SPDYE10: variants seen among roughly 807,000 people sequenced by gnomAD.
The protein encoded by SPDYE10 is speedy/RINGO cell cycle regulator family member E10, also known as speedy protein E10.
chr7:73,114,521 C>T, the SPDYE10 span, among the ~76,000 whole-genome samples: 14 of 150,548 alleles, frequency 9.3e-5, no homozygotes, highest in East Asian at 1.8e-3. Flanking sequence ...GTCACTCTCC[C>T]GATTTAAGCC....
chr7:73,135,300 C>T, the SPDYE10 span, among the ~76,000 whole-genome samples: 2 of 151,882 alleles, frequency 1.3e-5, no homozygotes, highest in Non-Finnish European at 2.9e-5. Context: ...TGGACACACA[C>T]CCGTTTCCTT....
At chr7:73,130,382 G>A in the SPDYE10 span, among the ~76,000 whole-genome samples, 2 of 151,870 alleles carry the variant, frequency 1.3e-5, no homozygotes, top group Non-Finnish European at 2.9e-5. Context: ...TTTCGTGTTA[G>A]GGAGAAGGAA....
chr7:73,144,877 A>T, the SPDYE10 span, among the ~76,000 whole-genome samples: 4 of 90,522 alleles, frequency 4.4e-5, no homozygotes, highest in Non-Finnish European at 2.0e-5. Flanking sequence ...TTAACTGGGC[A>T]TTGTGGTGTG....
At chr7:73,135,941 C>T in the SPDYE10 span, among the ~76,000 whole-genome samples, 1 of 30,744 alleles carries the variant, frequency 3.3e-5, no homozygotes, top group East Asian at 1.0e-3. Context: ...AATGCAATGG[C>T]GTGATCTCGG....
chr7:73,142,986 GGAAGGAAGGAAGGA>G, the SPDYE10 span, among the ~76,000 whole-genome samples: 1 of 114,758 alleles, frequency 8.7e-6, no homozygotes, highest in African/African-American at 3.8e-5. Flanking sequence ...GAGGGAGGAA[GGAAGGAAGGAAGGA>G]AGGAAGGAAG....
chr7:73,130,147 ACAC>A, the SPDYE10 span, among the ~76,000 whole-genome samples: 1 of 150,110 alleles, frequency 6.7e-6, no homozygotes, highest in Non-Finnish European at 1.5e-5. Context: ...CCCAGCTGCA[ACAC>A]CATTTGTTGA....
the SPDYE10 span, among the ~76,000 whole-genome samples, chr7:73,114,902 ATTTTTT>A: frequency 1.1e-5 from 1 of 94,070 alleles, no homozygotes; most frequent in African/African-American, 4.2e-5. Context: ...GGGTCATCTG[ATTTTTT>A]TTTTTTTTTT....
the SPDYE10 span, among the ~76,000 whole-genome samples, chr7:73,138,500 T>G: frequency 1.4e-5 from 2 of 147,102 alleles, no homozygotes; most frequent in African/African-American, 5.1e-5. Context: ...TGCCTCAGCC[T>G]CCCGAGTAGC....
the SPDYE10 span, among the ~76,000 whole-genome samples, chr7:73,134,561 G>GAAAGAAAGAAAGA: frequency 6.6e-6 from 1 of 152,186 alleles, no homozygotes; most frequent in African/African-American, 2.4e-5. Flanking sequence ...AAGAAAGAAA[G>GAAAGAAAGAAAGA]AAAGAAACCG....
the SPDYE10 span, among the ~76,000 whole-genome samples, chr7:73,151,733 G>T: frequency 2.8e-5 from 2 of 72,560 alleles, no homozygotes; most frequent in Non-Finnish European, 5.1e-5. Flanking sequence ...GCCCAGGCTG[G>T]TCTCAAACTC....
At chr7:73,110,835 AT>A in the SPDYE10 span, 1 of 779,704 alleles carries the variant, frequency 1.3e-6, no homozygotes, top group Non-Finnish European at 1.8e-6. Flanking sequence ...ACTGGGGCAT[AT>A]TTTTCCCATT....
chr7:73,149,701 T>C, the SPDYE10 span, among the ~76,000 whole-genome samples: 5 of 147,040 alleles, frequency 3.4e-5, no homozygotes, highest in African/African-American at 1.3e-4. Context: ...AAGTCCAAGA[T>C]GGTCTCGTTC....
chr7:73,137,936 AG>A, the SPDYE10 span, among the ~76,000 whole-genome samples: 1 of 132,638 alleles, frequency 7.5e-6, no homozygotes, highest in Non-Finnish European at 1.6e-5. Context: ...GGGGAAGGGA[AG>A]GGGAAGGGAA....
the SPDYE10 span, among the ~76,000 whole-genome samples, chr7:73,132,519 C>T: frequency 6.6e-6 from 1 of 150,912 alleles, no homozygotes; most frequent in East Asian, 1.9e-4. Flanking sequence ...TGCACTCTAG[C>T]CTGGGTGACA....
the SPDYE10 span, among the ~76,000 whole-genome samples, chr7:73,132,553 A>T: frequency 7.3e-6 from 1 of 136,190 alleles, no homozygotes. Context: ...TCTCAAAAAA[A>T]AAAAAAAAAA....
At chr7:73,123,788 C>CCTCTCTCTCTCTCTCTCTCTCTCT in the SPDYE10 span, among the ~76,000 whole-genome samples, 125 of 97,428 alleles carry the variant, frequency 1.3e-3, 4 homozygotes, top group Non-Finnish European at 1.5e-3. Flanking sequence ...TCTCTCTCTC[C>CCTCTCTCTCTCTCTCTCTCTCTCT]CTCTCTCTCT....
the SPDYE10 span, among the ~76,000 whole-genome samples, chr7:73,154,463 T>TC: frequency 1.3e-5 from 2 of 148,386 alleles, 1 homozygote; most frequent in Non-Finnish European, 3.0e-5. Flanking sequence ...GAGTGTCCCC[T>TC]CCCCCGGGTC....
At chr7:73,150,948 A>ATATATATAT in the SPDYE10 span, among the ~76,000 whole-genome samples, 1 of 4,940 alleles carries the variant, frequency 2.0e-4, no homozygotes, top group African/African-American at 8.9e-4. Context: ...ATATATATAT[A>ATATATATAT]TTTTTTTTTT....
chr7:73,135,406 GCATTCATTCATTCATT>G, the SPDYE10 span, among the ~76,000 whole-genome samples: 1 of 146,384 alleles, frequency 6.8e-6, no homozygotes, highest in Non-Finnish European at 1.5e-5. Flanking sequence ...CTTTGTCCAC[GCATTCATTCATTCATT>G]CATTCATTCA....
Sources: gnomAD v4.1 joint callset for allele counts (sites outside exome capture counted in the v4.1 genomes callset) on GRCh38, gnomAD v4.1.1 for gene constraint, MANE v1.5 for transcripts, NCBI Gene and HGNC (gene_info 2026-07-23, HGNC 2026-07-21) for gene names.